The following ARHGAP42 variants were observed in gnomAD, a reference collection of about 807,000 sequenced individuals.
ARHGAP42 encodes the protein rho GTPase-activating protein 42.
A neutral mutation model predicts 125.0 loss-of-function variants in ARHGAP42; 63 were observed. The observed-to-expected ratio is 0.50, with a 90% CI of 0.41 to 0.62. ARHGAP42 has a LOEUF of 0.62. ARHGAP42 is among the 20% of genes least tolerant of loss of function. The pLI, the probability that ARHGAP42 is intolerant of heterozygous loss-of-function variation, is 0.00. For synonymous variants in ARHGAP42, 339 were observed against 351.0 expected, an observed-to-expected ratio of 0.97 and a Z score of 0.38; for missense variants, 766 against 1,024.2, an observed-to-expected ratio of 0.75 and a Z score of 3.44.
In ARHGAP42 at chr11:100,987,071, G is replaced by A. The variant is rs546271359; in HGVS notation, c.2457-442G>A. Among the ~76,000 whole-genome samples, 8 of 152,110 alleles carry A rather than the reference G, an allele frequency of 5.3e-5. No homozygotes were observed. The East Asian group carries it at 1.3e-3, about 26-fold the overall frequency. ...ATATCACGCCCAATCAACTTACTTA[G>A]CATATTCTTTAAGCCTTTCAATTTT... On this transcript the variant is annotated intron_variant, in intron 22 of 23. Transcript: ENST00000298815.
chr11:100,735,905 C>G (rs936562160), intron 1 of ARHGAP42, among the ~76,000 whole-genome samples: 1 of 152,124 alleles, frequency 6.6e-6, no homozygotes, highest in Non-Finnish European at 1.5e-5. Flanking sequence ...CGTGAGCTAC[C>G]GCGCCCAGCA....
At chr11:100,815,771 T>A (rs528427107) in intron 3 of ARHGAP42, among the ~76,000 whole-genome samples, 7 of 152,270 alleles carry the variant, frequency 4.6e-5, no homozygotes, top group African/African-American at 1.4e-4. Flanking sequence ...CTTGCAAAAT[T>A]GAAACTCTAT....
intron 1 of ARHGAP42, among the ~76,000 whole-genome samples, chr11:100,759,185 C>T (rs1862645024): frequency 1.3e-5 from 2 of 152,258 alleles, no homozygotes; most frequent in Admixed American, 1.3e-4. Context: ...CACCCTGCAG[C>T]TTGCTAACAG....
intron 5 of ARHGAP42, among the ~76,000 whole-genome samples, chr11:100,921,246 T>TATA (rs1170204867): frequency 6.9e-4 from 24 of 34,558 alleles, no homozygotes; most frequent in South Asian, 1.6e-3. Flanking sequence ...TATATATATA[T>TATA]TTTTTTTTTT....
Position 100,744,839 on chromosome 11 carries a change from T to TACTCTGCAAGTA in ARHGAP42, c.155-25504_155-25503insACTCTGCAAGTA, listed in dbSNP as rs1460570337. On this transcript the variant is annotated intron_variant, in intron 1 of 23. Transcript: ENST00000298815. ...AGCACTTGAATATAAAATTTTCTTTTTAATTCTCTGCAAGGCAATGTACTT... is the reference window on the plus strand; with the variant it reads ...AGCACTTGAATATAAAATTTTCTTTTACTCTGCAAGTATAATTCTCTGCAAGGCAATGTACTT... 4.6e-4 allele frequency among the ~76,000 whole-genome samples: 70 copies of TACTCTGCAAGTA among 152,330 alleles called. 1 individual carries two copies. In the East Asian group the frequency reaches 0.012, roughly 26 times the overall value.
At chr11:100,935,025 A>G (rs1867694009) in intron 7 of ARHGAP42, among the ~76,000 whole-genome samples, 1 of 152,138 alleles carries the variant, frequency 6.6e-6, no homozygotes, top group African/African-American at 2.4e-5. Flanking sequence ...TAAGATTCCT[A>G]GGATTCAGGA....
chr11:100,974,535 C>G lies in ARHGAP42; in HGVS notation c.1787C>G (p.Ala596Gly). Residue 596 changes from alanine to glycine, a missense_variant, in exon 19 of 24, where the codon GCA becomes GGA. Ala to Gly is a moderately conservative substitution (Grantham distance 60, BLOSUM62 0). Coordinates refer to ENST00000298815, the MANE Select transcript of ARHGAP42 (RefSeq NM_152432.4). ...QSRSGSRRTR[A>G]ICLSTGSRKP... ...CGATCTGGATCCCGAAGGACACGAG[C>G]AATCTGCCTCTCTACAGGGTCTAGG... is the stretch of plus-strand genomic sequence containing the variant. The G allele has an allele frequency of 6.4e-7, 1 of 1,551,170 alleles. No individual in the cohort carries two copies. The highest frequency in any genetic ancestry group is 8.7e-7 in the Non-Finnish European group (1 of 1,146,706).
intron 4 of ARHGAP42, among the ~76,000 whole-genome samples, chr11:100,868,644 G>A (rs1238094706): frequency 6.6e-6 from 1 of 152,084 alleles, no homozygotes; most frequent in African/African-American, 2.4e-5. Flanking sequence ...TCTTAAAAAT[G>A]CTTCTTAAGG....
intron 4 of ARHGAP42, among the ~76,000 whole-genome samples, chr11:100,899,669 C>CTT (rs569714822): frequency 0.015 from 1,963 of 128,732 alleles, 43 homozygotes; most frequent in African/African-American, 0.049. Context: ...GTAGTCCCTG[C>CTT]TTTTTGTTTG....
chr11:100,964,417 G>A (rs556435711), intron 16 of ARHGAP42, among the ~76,000 whole-genome samples: 206 of 152,158 alleles, frequency 1.4e-3, no homozygotes, highest in Middle Eastern at 3.4e-3. Flanking sequence ...TCACATATGC[G>A]GAAAGATCAG....
intron 1 of ARHGAP42, among the ~76,000 whole-genome samples, chr11:100,707,193 A>G (rs972737588): frequency 1.3e-5 from 2 of 152,208 alleles, no homozygotes; most frequent in African/African-American, 4.8e-5. Context: ...GGCTGTTAAG[A>G]ATAATGTTGC....
chr11:100,859,306 A>G (rs1591244425), intron 3 of ARHGAP42: 1 of 371,266 alleles, frequency 2.7e-6, no homozygotes, highest in African/African-American at 2.1e-5. Context: ...AAGTATTCAA[A>G]CTAAGATTTC....
intron 4 of ARHGAP42, among the ~76,000 whole-genome samples, chr11:100,899,734 G>GTTCTCT (rs1866484676): frequency 1.6e-5 from 1 of 63,798 alleles, no homozygotes; most frequent in Admixed American, 1.4e-4. Context: ...TTTTTTTTTT[G>GTTCTCT]TTTTTTTTTG....
At chr11:100,707,097 A>G (rs1053384005) in intron 1 of ARHGAP42, among the ~76,000 whole-genome samples, 1 of 152,210 alleles carries the variant, frequency 6.6e-6, no homozygotes. Context: ...CTTTTTATTG[A>G]CAAATGTTTT....
chr11:100,938,151 C>T (rs1867785081), intron 8 of ARHGAP42, among the ~76,000 whole-genome samples: 1 of 151,840 alleles, frequency 6.6e-6, no homozygotes, highest in South Asian at 2.1e-4. Flanking sequence ...TCTCTGTAGC[C>T]TTGGGACAAA....
chr11:100,707,507 T>G (rs1448624737), intron 1 of ARHGAP42, among the ~76,000 whole-genome samples: 1 of 152,196 alleles, frequency 6.6e-6, no homozygotes, highest in Non-Finnish European at 1.5e-5. Flanking sequence ...CTATTAATTA[T>G]AGATGGATAA....
intron 3 of ARHGAP42, among the ~76,000 whole-genome samples, chr11:100,810,471 C>T (rs1864109460): frequency 6.6e-6 from 1 of 152,126 alleles, no homozygotes; most frequent in African/African-American, 2.4e-5. Flanking sequence ...TTTTACATTC[C>T]AAACTTCTGC....
intron 1 of ARHGAP42, among the ~76,000 whole-genome samples, chr11:100,746,886 G>C (rs1862319874): frequency 1.3e-5 from 2 of 152,166 alleles, no homozygotes; most frequent in South Asian, 2.1e-4. Flanking sequence ...GGTAGGGATC[G>C]ATCCAGGAAA....
chr11:100,767,015 A>G (rs1371431643), intron 1 of ARHGAP42, among the ~76,000 whole-genome samples: 1 of 152,200 alleles, frequency 6.6e-6, no homozygotes, highest in Non-Finnish European at 1.5e-5. Context: ...CTGAACAATA[A>G]TACTGTCACG....
Sources: gnomAD v4.1 joint callset for allele counts (sites outside exome capture counted in the v4.1 genomes callset) on GRCh38, gnomAD v4.1.1 for gene constraint, MANE v1.5 for transcripts, NCBI Gene and HGNC (gene_info 2026-07-23, HGNC 2026-07-21) for gene names.